The following ANKS1A variants were observed in gnomAD, a reference collection of about 807,000 sequenced individuals.
ANKS1A encodes ankyrin repeat and sterile alpha motif domain containing 1A, also known as ankyrin repeat and SAM domain-containing protein 1A.
ANKS1A carries 55 observed loss-of-function variants against 120.3 expected under a neutral mutation model. The ratio of observed to expected loss-of-function variants is 0.46; its 90% CI spans 0.37 to 0.57. The LOEUF (loss-of-function observed/expected upper bound fraction) is 0.57. Ranked by LOEUF, ANKS1A falls within the 20% of genes least tolerant of loss-of-function variation. ANKS1A has a pLI of 0.00. For missense variants in ANKS1A, 1,123 were observed against 1,480.3 expected, an observed-to-expected ratio of 0.76 and a Z score of 3.96; for synonymous variants, 590 against 604.7, an observed-to-expected ratio of 0.98 and a Z score of 0.36.
chr6:34,995,221 T>C (rs549182991), intron 10 of ANKS1A, among the ~76,000 whole-genome samples: 14 of 152,332 alleles, frequency 9.2e-5, no homozygotes, highest in African/African-American at 3.4e-4. Flanking sequence ...TGGTTTCCTT[T>C]GAAATGCCCT....
In ANKS1A at chr6:34,889,502, G is replaced by C; in HGVS notation, c.100G>C (p.Gly34Arg). Residue 34 changes from glycine (G) to arginine (R), a missense_variant, in exon 1 of 24, where the codon GGC (glycine) becomes CGC (arginine). Around this residue, in one of 3 missense-constraint regions of ANKS1A, gnomAD observed 73 missense variants for 82.2 expected, o/e 0.89. Transcript: ENST00000360359. The surrounding 1 kb of genome is among the most constrained non-coding windows in gnomAD (Gnocchi z 5.5). ...GAAGCGGCTCTCCTCAGGCTTTGGG[G>C]GCGGCGGCGGCGGTGGCTCTGGGGG... The part of the protein sequence containing the change: ...SGKRLSSGFG[G>R]GGGGGSGGGG... 1 of 1,273,680 alleles carries C rather than the reference G, an allele frequency of 7.9e-7. No individual in the cohort carries two copies. Among genetic ancestry groups the C allele is most frequent in the Non-Finnish European group, 9.8e-7 (1 of 1,018,872 alleles). The allele number at this position is 1,273,680 out of a possible 1,614,324, so 78.9% of individuals were successfully genotyped here.
Position 35,084,272 on chromosome 6 carries a change from T to G in ANKS1A, c.3132+14T>G. On this transcript the variant is annotated intron_variant, in intron 21 of 23. Transcript: ENST00000360359. The surrounding 1 kb of genome is among the most constrained non-coding windows in gnomAD (Gnocchi z 4.8). The stretch of plus-strand genomic sequence containing the variant: ...ACCGTGGATGTGGTGGGTGGGGTCC[T>G]GGGGCCGGGTGGGGCAGGCTTGGGT... 1 of 1,612,562 alleles carries G rather than the reference T, an allele frequency of 6.2e-7. No homozygotes were observed. The highest frequency in any genetic ancestry group is 1.1e-5 in the South Asian group (1 of 90,948).
intron 1 of ANKS1A, among the ~76,000 whole-genome samples, chr6:34,952,999 C>T (rs1205321041): frequency 6.6e-6 from 1 of 152,196 alleles, no homozygotes; most frequent in Non-Finnish European, 1.5e-5. Flanking sequence ...CGTGAGCCAC[C>T]ATGGCCCAGC....
Position 35,086,310 on chromosome 6 carries a change from C to T in ANKS1A, c.3303+374C>T. On this transcript the variant is annotated intron_variant, in intron 22 of 23. Transcript: ENST00000360359. The surrounding 1 kb of genome is among the most constrained non-coding windows in gnomAD (Gnocchi z 5.1). ...GATAGTCGCTGTTGTTACTGTCACA[C>T]CTGCACCACCCACCGTCCTTCCTAC... is the stretch of plus-strand genomic sequence containing the variant. The T allele has an allele frequency of 3.1e-6, 4 of 1,307,598 alleles. No individual in the cohort carries two copies. Among genetic ancestry groups the T allele is most frequent in the Non-Finnish European group, 4.0e-6 (4 of 1,001,326 alleles). 81.0% of individuals were successfully genotyped at this position (1,307,598 alleles called of 1,614,324 possible).
At chr6:35,080,911 C>T in intron 16 of ANKS1A, 83 bp from the exon 17 acceptor site, 1 of 1,535,538 alleles carries the variant, frequency 6.5e-7, no homozygotes, top group Non-Finnish European at 8.9e-7. Flanking sequence ...CCTGTGCCGT[C>T]CTAACCAGTG....
chr6:35,078,499 C>T (rs1777483058), intron 13 of ANKS1A, 59 bp from the exon 14 acceptor site: 3 of 1,536,848 alleles, frequency 2.0e-6, no homozygotes, highest in Non-Finnish European at 2.7e-6. Context: ...ACCTGACCCC[C>T]TCAGGGCCAC....
At chr6:34,919,742 G>C (rs1003912341) in intron 1 of ANKS1A, among the ~76,000 whole-genome samples, 2 of 152,152 alleles carry the variant, frequency 1.3e-5, no homozygotes, top group Non-Finnish European at 2.9e-5. Flanking sequence ...TAACTGTGTT[G>C]TTCTGAGAAT....
intron 23 of ANKS1A, among the ~76,000 whole-genome samples, chr6:35,087,978 C>T (rs896545470): frequency 2.0e-5 from 3 of 152,248 alleles, no homozygotes; most frequent in Non-Finnish European, 4.4e-5. Context: ...AACGAGGAGG[C>T]GGCCTGTGCC....
Position 35,079,686 on chromosome 6 carries a change from G to A in ANKS1A, c.2436+18G>A. On this transcript the variant is annotated intron_variant, in intron 15 of 23. Transcript: ENST00000360359. ...TCGTCAATGTGAGTAGTCCCTGCGT[G>A]GCCCGGCCTGGACTCTCCAGAAGTC... The A allele has an allele frequency of 6.2e-7, 1 of 1,614,078 alleles. No homozygotes were observed. Among genetic ancestry groups the A allele is most frequent in the Non-Finnish European group, 8.5e-7 (1 of 1,179,994 alleles).
chr6:34,912,317 G>A (rs1046742327), intron 1 of ANKS1A, among the ~76,000 whole-genome samples: 3 of 152,186 alleles, frequency 2.0e-5, no homozygotes, highest in Non-Finnish European at 2.9e-5. Context: ...ATTGATACCT[G>A]TGTAGACTGT....
intron 11 of ANKS1A, among the ~76,000 whole-genome samples, chr6:35,023,344 C>T (rs1047830319): frequency 5.3e-5 from 8 of 152,122 alleles, no homozygotes; most frequent in African/African-American, 1.9e-4. Context: ...CTGTTTCTAT[C>T]AACTCTGAGC....
At chr6:34,915,640 G>GT (rs879520287) in intron 1 of ANKS1A, among the ~76,000 whole-genome samples, 13 of 150,800 alleles carry the variant, frequency 8.6e-5, no homozygotes, top group South Asian at 2.1e-4. Context: ...CTGTATCTTT[G>GT]TTTTTTTTTC....
At chr6:34,922,701 T>C (rs533909582) in intron 1 of ANKS1A, among the ~76,000 whole-genome samples, 156 of 150,626 alleles carry the variant, frequency 1.0e-3, no homozygotes, top group Non-Finnish European at 1.7e-3. Context: ...TTTCTTTTTT[T>C]TTTTTTTTTT....
chr6:35,056,125 G>A (rs887288743), intron 12 of ANKS1A, among the ~76,000 whole-genome samples: 20 of 152,350 alleles, frequency 1.3e-4, no homozygotes, highest in African/African-American at 4.6e-4. Flanking sequence ...CTTGAGAGCT[G>A]TGAGTCAGAA....
intron 11 of ANKS1A, among the ~76,000 whole-genome samples, chr6:35,032,880 T>C (rs990152958): frequency 6.6e-6 from 1 of 152,242 alleles, no homozygotes; most frequent in East Asian, 1.9e-4. Flanking sequence ...GAATGTCTTA[T>C]GACTTTCTCA....
At chr6:34,917,750 G>A (rs1026320524) in intron 1 of ANKS1A, among the ~76,000 whole-genome samples, 2 of 152,196 alleles carry the variant, frequency 1.3e-5, no homozygotes, top group Non-Finnish European at 2.9e-5. Context: ...AAGGCCTATG[G>A]CCCAGATGGG....
chr6:34,985,639 A>G (rs968598916), intron 8 of ANKS1A, among the ~76,000 whole-genome samples: 17 of 152,226 alleles, frequency 1.1e-4, no homozygotes, highest in African/African-American at 4.1e-4. Flanking sequence ...TCTGAAAAGC[A>G]GAAGCATACA....
intron 12 of ANKS1A, among the ~76,000 whole-genome samples, chr6:35,055,832 G>A (rs761786889): frequency 3.3e-5 from 5 of 152,194 alleles, no homozygotes; most frequent in Non-Finnish European, 7.3e-5. Flanking sequence ...CTTGGATTAT[G>A]CTGGAGTCTG....
chr6:34,975,579 T>C (rs1476043955), intron 3 of ANKS1A, among the ~76,000 whole-genome samples: 1 of 151,794 alleles, frequency 6.6e-6, no homozygotes, highest in Non-Finnish European at 1.5e-5. Flanking sequence ...GGCAATATAA[T>C]GCGATCCCAT....
Sources: allele counts gnomAD v4.1 joint callset (sites outside exome capture counted in the v4.1 genomes callset), GRCh38; gene constraint gnomAD v4.1.1; regional missense constraint gnomAD v4.1.1; non-coding constraint Gnocchi (gnomAD v3.1); transcripts MANE v1.5; gene names NCBI Gene and HGNC (gene_info 2026-07-23, HGNC 2026-07-21).